Variants in LRMDA observed in about 807,000 individuals in gnomAD.
LRMDA encodes leucine-rich melanocyte differentiation-associated protein.
In LRMDA, 18 loss-of-function variants were observed where a neutral mutation model predicts 29.8. The observed-to-expected ratio is 0.60, with a 90% confidence interval of 0.42 to 0.90. LRMDA has a LOEUF of 0.90. LRMDA is among the 40% of genes least tolerant of loss of function. The pLI is 0.00. For synonymous variants in LRMDA, 125 were observed against 109.4 expected, an observed-to-expected ratio of 1.14 and a Z score of -0.89; for missense variants, 273 against 273.9, an observed-to-expected ratio of 1.00 and a Z score of 0.02.
rs546640249 is a variant in LRMDA, at chr10:75,852,123, CA to C, written c.132-183878del. Among the ~76,000 whole-genome samples, 1,519 of 152,020 alleles carry C rather than the reference CA, an allele frequency of 1.0e-2. 16 individuals are homozygous for C. The highest frequency in any genetic ancestry group is 0.016 in the Non-Finnish European group (1,090 of 67,944). On this transcript the variant is annotated intron_variant, in intron 2 of 6. Coordinates refer to ENST00000611255, the MANE Select transcript of LRMDA (RefSeq NM_001305581.2). ...TGGAGTGGTTTGCTATGGCAGGATC[CA>C]AAAAAAGGCTGGCAGTAGGCCCTGA...
At chr10:76,372,668 A>C (rs1312557080) in intron 6 of LRMDA, among the ~76,000 whole-genome samples, 3 of 151,712 alleles carry the variant, frequency 2.0e-5, no homozygotes, top group Non-Finnish European at 2.9e-5. Flanking sequence ...CTTAATTCCC[A>C]ATTCTAAGCT....
intron 2 of LRMDA, among the ~76,000 whole-genome samples, chr10:75,708,159 C>T (rs2132174933): frequency 6.6e-6 from 1 of 152,270 alleles, no homozygotes. Flanking sequence ...ATGTAATAAG[C>T]TGTAGGTACA....
chr10:75,816,313 G>A (rs534166610), intron 2 of LRMDA, among the ~76,000 whole-genome samples: 2 of 152,254 alleles, frequency 1.3e-5, no homozygotes, highest in Non-Finnish European at 2.9e-5. Context: ...GAGAGCTAAG[G>A]AGCAATCAAG....
chr10:75,901,156 T>G (rs184407391), intron 2 of LRMDA, among the ~76,000 whole-genome samples: 1 of 152,346 alleles, frequency 6.6e-6, no homozygotes, highest in East Asian at 1.9e-4. Flanking sequence ...TCTATCTCTG[T>G]GTGAGTCACC....
chr10:76,229,626 G>A (rs1419502063), intron 5 of LRMDA, among the ~76,000 whole-genome samples: 1 of 152,020 alleles, frequency 6.6e-6, no homozygotes, highest in Admixed American at 6.6e-5. Flanking sequence ...AGAGAGGGTG[G>A]GCAGAAGAAG....
chr10:76,526,977 A>AAAATAAATAAAT (rs199776614), intron 6 of LRMDA, among the ~76,000 whole-genome samples: 4 of 121,526 alleles, frequency 3.3e-5, no homozygotes, highest in Admixed American at 8.9e-5. Context: ...AAAGTATAAT[A>AAAATAAATAAAT]AAATAAATAA....
intron 6 of LRMDA, among the ~76,000 whole-genome samples, chr10:76,401,254 G>A (rs1003215021): frequency 6.6e-6 from 1 of 152,202 alleles, no homozygotes; most frequent in South Asian, 2.1e-4. Flanking sequence ...TTCATGAAGA[G>A]CAAGCCAGTG....
At chr10:75,472,584 T>G (rs1349891364) in intron 2 of LRMDA, among the ~76,000 whole-genome samples, 1 of 152,228 alleles carries the variant, frequency 6.6e-6, no homozygotes, top group Non-Finnish European at 1.5e-5. Flanking sequence ...TAGTAGCTGC[T>G]CATTCAATGG....
chr10:75,538,298 TGCAGC>T (rs1221072330), intron 2 of LRMDA, among the ~76,000 whole-genome samples: 11 of 152,176 alleles, frequency 7.2e-5, no homozygotes, highest in African/African-American at 2.7e-4. Flanking sequence ...CTGAAAGCGG[TGCAGC>T]GATTTGGCCG....
At chr10:76,372,177 C>T (rs1023730764) in intron 6 of LRMDA, among the ~76,000 whole-genome samples, 4 of 152,148 alleles carry the variant, frequency 2.6e-5, no homozygotes, top group African/African-American at 9.7e-5. Context: ...TTCACTGTGA[C>T]CCTTAAAATG....
intron 5 of LRMDA, among the ~76,000 whole-genome samples, chr10:76,261,802 C>T (rs1289743499): frequency 6.6e-6 from 1 of 152,080 alleles, no homozygotes; most frequent in Non-Finnish European, 1.5e-5. Context: ...CAGGATGAAC[C>T]CGTCATATAA....
chr10:76,068,650 T>C (rs1030088972), intron 5 of LRMDA, among the ~76,000 whole-genome samples: 1 of 152,210 alleles, frequency 6.6e-6, no homozygotes, highest in Non-Finnish European at 1.5e-5. Flanking sequence ...TTGTATCTAA[T>C]AGACCACAGA....
chr10:76,414,642 G>A (rs532911039), intron 6 of LRMDA, among the ~76,000 whole-genome samples: 7 of 152,324 alleles, frequency 4.6e-5, no homozygotes, highest in African/African-American at 1.4e-4. Flanking sequence ...GAAGACTCAA[G>A]CAACAGAGAA....
rs3041682 is a variant in LRMDA, at chr10:75,690,994, T to TACACACAC, written c.131+252528_131+252535dup. On this transcript the variant is annotated intron_variant, in intron 2 of 6. Transcript: ENST00000611255. ...TAAAAAAAAAATATATATATATATA[T>TACACACAC]ACACACACACACACACACACACACA... Among the ~76,000 whole-genome samples the TACACACAC allele has an allele frequency of 2.9e-3, 288 of 100,040 alleles. 5 individuals are homozygous for TACACACAC. In the East Asian group the frequency reaches 0.048, roughly 17 times the overall value. The allele number at this position is 100,040 out of a possible 152,430, so 65.6% of individuals were successfully genotyped here. A position where few individuals can be genotyped will look rare whatever the true frequency, so the allele number is the denominator to read the frequency against.
intron 5 of LRMDA, among the ~76,000 whole-genome samples, chr10:76,125,513 T>C (rs1564659356): frequency 6.6e-6 from 1 of 152,320 alleles, no homozygotes; most frequent in East Asian, 1.9e-4. Flanking sequence ...CCTGAAATGA[T>C]GAAAGGTCAT....
rs1564559356 is a variant in LRMDA at position 76,501,046 on chromosome 10, G to A, written c.602-56163G>A. ...CCCTTTCTCCTTCTCCTCTCTAGTAGTCTCCAGTGTTGATCGTTGTTTCCA... is the reference window on the plus strand; with the variant it reads ...CCCTTTCTCCTTCTCCTCTCTAGTAATCTCCAGTGTTGATCGTTGTTTCCA... On this transcript the variant is annotated intron_variant, in intron 6 of 6. Transcript: ENST00000611255. Among the ~76,000 whole-genome samples, 2 of 73,948 alleles carry A rather than the reference G, an allele frequency of 2.7e-5. 1 individual carries two copies. Among genetic ancestry groups the A allele is most frequent in the Non-Finnish European group, 9.0e-5 (2 of 22,336 alleles). 48.5% of individuals were successfully genotyped at this position (73,948 alleles called of 152,430 possible).
In LRMDA at chr10:75,679,375, T is replaced by A. The variant is rs528172722; in HGVS notation, c.131+240881T>A. ...ATTATTATACCTAATTTGAAGAAAT[T>A]GAGGCTTAGAGAGTTTGAAGTAACT... is the stretch of plus-strand genomic sequence containing the variant. On this transcript the variant is annotated intron_variant, in intron 2 of 6. Transcript: ENST00000611255. Among the ~76,000 whole-genome samples, 125 of 152,206 alleles carry A rather than the reference T, an allele frequency of 8.2e-4. 1 individual carries two copies. Among genetic ancestry groups the A allele is most frequent in the Admixed American group, 7.9e-3 (121 of 15,280 alleles).
chr10:76,439,024 T>C (rs1010293503), intron 6 of LRMDA, among the ~76,000 whole-genome samples: 3 of 152,198 alleles, frequency 2.0e-5, no homozygotes, highest in Admixed American at 1.3e-4. Context: ...ATAAGTAAGC[T>C]TATGATGAAT....
chr10:76,325,318 G>A (rs935320051), intron 6 of LRMDA, among the ~76,000 whole-genome samples: 3 of 152,214 alleles, frequency 2.0e-5, no homozygotes, highest in African/African-American at 7.2e-5. Flanking sequence ...TGCAGGAAAC[G>A]AAGAAGAGAG....
Sources: gnomAD v4.1 joint callset for allele counts (sites outside exome capture counted in the v4.1 genomes callset) on GRCh38, gnomAD v4.1.1 for gene constraint, MANE v1.5 for transcripts, NCBI Gene and HGNC (gene_info 2026-07-23, HGNC 2026-07-21) for gene names.